Variants in ATP10A observed in about 807,000 individuals in gnomAD.
The protein encoded by ATP10A is phospholipid-transporting ATPase VA.
A neutral mutation model predicts 147.8 loss-of-function variants in ATP10A; 111 were observed. The observed-to-expected ratio is 0.75, with a 90% CI of 0.64 to 0.88. The LOEUF (loss-of-function observed/expected upper bound fraction) is 0.88. ATP10A is among the 40% of genes least tolerant of loss of function. The probability of loss-of-function intolerance (pLI) is 0.00; values close to 1 mark genes in which losing one functional copy is unlikely to be tolerated. For missense variants in ATP10A, 1,927 were observed against 1,959.0 expected (o/e 0.98, Z 0.31); for synonymous variants, 875 against 841.6 (o/e 1.04, Z -0.69).
Position 25,680,144 on chromosome 15 carries a change from C to T in ATP10A, c.3843G>A (p.Thr1281=), listed in dbSNP as rs1899318485. ...ACCTGGGCAGCAGTGCAGCGACAGG[C>T]GTCATCAGGCAAGTCAAGTAAAACA... ...DPVFYLTCLM[T]PVAALLPRLF... The change falls in exon 20 of 21, where the codon ACG becomes ACA. Residue 1281 remains threonine (T), a synonymous_variant. Transcript: ENST00000555815. 4 of 1,613,894 alleles carry T rather than the reference C, an allele frequency of 2.5e-6. No individual in the cohort carries two copies. Among genetic ancestry groups the T allele is most frequent in the East Asian group, 2.2e-5 (1 of 44,862 alleles).
At chr15:25,727,750 G>A (rs948655074) in intron 3 of ATP10A, among the ~76,000 whole-genome samples, 3 of 152,220 alleles carry the variant, frequency 2.0e-5, no homozygotes, top group African/African-American at 7.2e-5. Context: ...AAGTTATAAA[G>A]TTATTAGAAG....
At position 25,751,605 on chromosome 15, in the gene ATP10A, C is replaced by T. The variant is rs187985707; in HGVS notation, c.655-15464G>A. On this transcript the variant is annotated intron_variant, in intron 2 of 20. Coordinates refer to ENST00000555815, the MANE Select transcript of ATP10A (RefSeq NM_024490.4). ...GGTAATAATTTTTTTGATTTGACCC[C>T]GAAAGGACAGGCAACAAAAACAAAA... 4.3e-4 allele frequency among the ~76,000 whole-genome samples: 65 copies of T among 151,934 alleles called. 1 individual carries two copies. The East Asian group carries it at 6.8e-3, about 16-fold the overall frequency.
intron 1 of ATP10A, among the ~76,000 whole-genome samples, chr15:25,829,175 T>TTACAGAC (rs1299503735): frequency 1.3e-5 from 2 of 152,130 alleles, no homozygotes; most frequent in Admixed American, 1.3e-4. Flanking sequence ...AAGTGCCTCT[T>TTACAGAC]TACAGACAAA....
At chr15:25,695,496 G>T (rs982950639) in intron 13 of ATP10A, among the ~76,000 whole-genome samples, 7 of 152,170 alleles carry the variant, frequency 4.6e-5, no homozygotes, top group Non-Finnish European at 1.0e-4. Context: ...AGGCGTGGTG[G>T]TGGGTGCCTG....
intron 2 of ATP10A, among the ~76,000 whole-genome samples, chr15:25,766,763 G>A (rs1221168822): frequency 3.3e-5 from 5 of 151,930 alleles, no homozygotes; most frequent in African/African-American, 1.2e-4. Flanking sequence ...CGCTCCTCGG[G>A]CCTCAGCAAA....
intron 1 of ATP10A, among the ~76,000 whole-genome samples, chr15:25,851,320 G>C (rs1893286684): frequency 6.6e-6 from 1 of 151,750 alleles, no homozygotes; most frequent in Non-Finnish European, 1.5e-5. Context: ...CTCCATTCGT[G>C]GCCTAGGTTG....
In ATP10A at chr15:25,684,346, G is replaced by A. The variant is rs77313447; in HGVS notation, c.3292-860C>T. Among the ~76,000 whole-genome samples, 1,321 of 152,328 alleles carry A rather than the reference G, an allele frequency of 8.7e-3. 27 individuals are homozygous for A. Among genetic ancestry groups the A allele is most frequent in the African/African-American group, 0.03 (1,264 of 41,574 alleles). On this transcript the variant is annotated intron_variant, in intron 16 of 20. Coordinates refer to ENST00000555815, the MANE Select transcript of ATP10A (RefSeq NM_024490.4). ...CTCATGAGCTATGTAGCTGGGCACA[G>A]AGCATGAACTCCTCAGTCTCGCTTT...
chr15:25,737,440 T>A (rs1435446374), intron 2 of ATP10A, among the ~76,000 whole-genome samples: 2 of 152,196 alleles, frequency 1.3e-5, no homozygotes, highest in Non-Finnish European at 2.9e-5. Context: ...TCTTTCTCTC[T>A]AAGAAAAATG....
intron 14 of ATP10A, among the ~76,000 whole-genome samples, chr15:25,693,612 C>G (rs897165834): frequency 6.6e-6 from 1 of 152,148 alleles, no homozygotes; most frequent in Admixed American, 6.5e-5. Flanking sequence ...GCCTGAAGAC[C>G]GTTTCCAGCT....
intron 1 of ATP10A, among the ~76,000 whole-genome samples, chr15:25,815,497 C>T (rs1157335777): frequency 2.5e-4 from 2 of 7,864 alleles, no homozygotes; most frequent in Non-Finnish European, 7.5e-4. Flanking sequence ...ATGGGGGTGT[C>T]GAGATGCCAA....
chr15:25,791,699 T>G (rs552705307), intron 1 of ATP10A, among the ~76,000 whole-genome samples: 1 of 152,282 alleles, frequency 6.6e-6, no homozygotes, highest in Admixed American at 6.5e-5. Context: ...CCTCACTTTT[T>G]CTATTGTATT....
intron 13 of ATP10A, among the ~76,000 whole-genome samples, chr15:25,699,335 C>T (rs1311497885): frequency 1.3e-5 from 2 of 152,150 alleles, no homozygotes; most frequent in Non-Finnish European, 2.9e-5. Flanking sequence ...GACAAAGACG[C>T]TTTCAACCAA....
intron 3 of ATP10A, among the ~76,000 whole-genome samples, chr15:25,732,245 C>CT (rs563173231): frequency 1.3e-5 from 2 of 151,952 alleles, no homozygotes; most frequent in African/African-American, 2.4e-5. Flanking sequence ...TTTCTTCTTT[C>CT]TTTTTTTTGA....
At chr15:25,830,239 C>T (rs1027181875) in intron 1 of ATP10A, among the ~76,000 whole-genome samples, 1 of 152,110 alleles carries the variant, frequency 6.6e-6, no homozygotes, top group Non-Finnish European at 1.5e-5. Context: ...TGGGTCATCC[C>T]CACCTTCCCC....
At chr15:25,753,035 T>C (rs144310459) in intron 2 of ATP10A, among the ~76,000 whole-genome samples, 2 of 152,316 alleles carry the variant, frequency 1.3e-5, no homozygotes, top group African/African-American at 4.8e-5. Flanking sequence ...CAATATAGAA[T>C]AACTAAATTA....
At chr15:25,680,334 C>A (rs779219627) in intron 19 of ATP10A, 26 bp from the exon 20 acceptor site, 3 of 1,603,134 alleles carry the variant, frequency 1.9e-6, no homozygotes, top group African/African-American at 2.7e-5. Flanking sequence ...AAAGAAAGGG[C>A]TTTTATTTCC....
At chr15:25,676,790 T>A (rs1899145355), downstream of ATP10A, among the ~76,000 whole-genome samples, 1 of 152,142 alleles carries the variant, frequency 6.6e-6, no homozygotes, top group Admixed American at 6.5e-5. Context: ...TCCTTTTACT[T>A]TCAACCCACT....
At chr15:25,736,035 A>C in intron 3 of ATP10A, 21 bp downstream of exon 3, 1 of 1,592,498 alleles carries the variant, frequency 6.3e-7, no homozygotes, top group Non-Finnish European at 8.6e-7. Context: ...GGATGCGCGC[A>C]GGCAGACACA....
intron 1 of ATP10A, among the ~76,000 whole-genome samples, chr15:25,829,610 T>C (rs565039352): frequency 6.6e-6 from 1 of 152,214 alleles, no homozygotes; most frequent in East Asian, 1.9e-4. Context: ...TGTAGTAAGA[T>C]AAACAGAGTA....
Sources: gnomAD v4.1 joint callset for allele counts (sites outside exome capture counted in the v4.1 genomes callset) on GRCh38, gnomAD v4.1.1 for gene constraint, MANE v1.5 for transcripts, NCBI Gene and HGNC (gene_info 2026-07-23, HGNC 2026-07-21) for gene names.